MTCL2: variants seen among roughly 807,000 people sequenced by gnomAD.
MTCL2 encodes the protein microtubule crosslinking factor 2.
At chr20:36,839,929 T>C in the MTCL2 span, among the ~76,000 whole-genome samples, 1 of 152,086 alleles carries the variant, frequency 6.6e-6, no homozygotes, top group Non-Finnish European at 1.5e-5. This position sits in a 1 kb window ranked among gnomAD's most constrained non-coding sequence, Gnocchi z 5.1. Flanking sequence ...TGGCACAATC[T>C]CAGCTCACTG....
At chr20:36,786,252 C>T in the MTCL2 span, 34 of 1,219,388 alleles carry the variant, frequency 2.8e-5, no homozygotes, top group Non-Finnish European at 2.5e-5. Flanking sequence ...TTTGGTCTCT[C>T]TCCCACTCAC....
At chr20:36,790,090 C>A in the MTCL2 span, among the ~76,000 whole-genome samples, 1 of 150,070 alleles carries the variant, frequency 6.7e-6, no homozygotes, top group Non-Finnish European at 1.5e-5. Context: ...CTCCCGGGTT[C>A]ATGCCATTCT....
the MTCL2 span, among the ~76,000 whole-genome samples, chr20:36,810,706 TTCTCTCTCTCCCTCTC>T: frequency 4.9e-5 from 3 of 60,998 alleles, no homozygotes; most frequent in African/African-American, 1.7e-4. Context: ...CCTCCCCTCC[TTCTCTCTCTCCCTCTC>T]TCTCTCTCTC....
the MTCL2 span, chr20:36,782,643 C>T: frequency 1.3e-5 from 2 of 152,390 alleles, no homozygotes; most frequent in Non-Finnish European, 2.9e-5. Flanking sequence ...AAGCGATTCT[C>T]CCACCTCAGC....
At chr20:36,797,002 A>G in the MTCL2 span, 2 of 1,555,990 alleles carry the variant, frequency 1.3e-6, no homozygotes, top group South Asian at 1.1e-5. Flanking sequence ...CCAGAGCACT[A>G]AGGGCATGGA....
the MTCL2 span, chr20:36,783,900 C>T: frequency 7.1e-6 from 7 of 985,428 alleles, no homozygotes; most frequent in African/African-American, 1.0e-4. Context: ...ACATTTTCAA[C>T]CCCATCCAGC....
At chr20:36,808,906 G>T in the MTCL2 span, among the ~76,000 whole-genome samples, 3 of 152,336 alleles carry the variant, frequency 2.0e-5, no homozygotes, top group South Asian at 6.2e-4. Context: ...GATGAGCACT[G>T]CCCTCTGCTC....
chr20:36,832,977 G>T, the MTCL2 span, among the ~76,000 whole-genome samples: 2 of 152,192 alleles, frequency 1.3e-5, no homozygotes, highest in African/African-American at 2.4e-5. Flanking sequence ...GTGATTTACA[G>T]AATCAGCTGG....
chr20:36,786,524 G>C, the MTCL2 span: 1 of 1,550,390 alleles, frequency 6.4e-7, no homozygotes, highest in Non-Finnish European at 8.7e-7. Flanking sequence ...CCCCACCCCA[G>C]CTGGACTCTG....
the MTCL2 span, chr20:36,779,838 C>T: frequency 0.03 from 4,494 of 152,114 alleles, 88 homozygotes; most frequent in South Asian, 0.081. Context: ...GGGCTGAATA[C>T]TATAGTGAGC....
the MTCL2 span, chr20:36,862,874 C>A: frequency 8.6e-4 from 1,066 of 1,240,090 alleles, 19 homozygotes; most frequent in East Asian, 0.033. Flanking sequence ...GGGCCGGCTG[C>A]CCCGTACGGA....
chr20:36,840,822 G>GGCCA, the MTCL2 span, among the ~76,000 whole-genome samples: 1 of 151,242 alleles, frequency 6.6e-6, no homozygotes, highest in Non-Finnish European at 1.5e-5. Flanking sequence ...CCCCAGCCTG[G>GGCCA]GCGACAGAGC....
the MTCL2 span, among the ~76,000 whole-genome samples, chr20:36,796,149 GA>G: frequency 2.0e-5 from 3 of 152,236 alleles, no homozygotes; most frequent in African/African-American, 7.2e-5. Context: ...AAGACGCCAT[GA>G]AGCTCCTGGC....
At chr20:36,856,497 C>T in the MTCL2 span, among the ~76,000 whole-genome samples, 16 of 152,258 alleles carry the variant, frequency 1.1e-4, no homozygotes, top group Non-Finnish European at 4.4e-5. Flanking sequence ...GAGTTGCCCC[C>T]GGGCAGTGTT....
the MTCL2 span, among the ~76,000 whole-genome samples, chr20:36,795,071 T>C: frequency 6.6e-6 from 1 of 152,142 alleles, no homozygotes; most frequent in African/African-American, 2.4e-5. Flanking sequence ...CCGGAGCAGA[T>C]GAAATTACAG....
the MTCL2 span, among the ~76,000 whole-genome samples, chr20:36,850,533 A>G: frequency 6.6e-6 from 1 of 151,904 alleles, no homozygotes; most frequent in Non-Finnish European, 1.5e-5. Context: ...TTGACCAAAA[A>G]AAAAAGAAAA....
At chr20:36,783,730 TACCAAG>T in the MTCL2 span, 5 of 982,784 alleles carry the variant, frequency 5.1e-6, no homozygotes, top group South Asian at 2.4e-4. Flanking sequence ...TTGGGAATGT[TACCAAG>T]ACTTAAAAGG....
chr20:36,793,821 A>C, the MTCL2 span: 1 of 1,542,848 alleles, frequency 6.5e-7, no homozygotes, highest in African/African-American at 1.4e-5. The surrounding 1 kb of genome is among the most constrained non-coding windows in gnomAD (Gnocchi z 6.8). Flanking sequence ...TCCAGGGAGG[A>C]GGAGATCTGC....
the MTCL2 span, chr20:36,815,602 G>T: frequency 1.3e-6 from 2 of 1,591,998 alleles, no homozygotes; most frequent in African/African-American, 1.3e-5. This position sits in a 1 kb window ranked among gnomAD's most constrained non-coding sequence, Gnocchi z 5.3. Flanking sequence ...TCCAGCATGG[G>T]CCGCGTACTC....
Sources: gnomAD v4.1 joint callset for allele counts (sites outside exome capture counted in the v4.1 genomes callset) on GRCh38, gnomAD v4.1.1 for gene constraint, Gnocchi (gnomAD v3.1) non-coding constraint, MANE v1.5 for transcripts, NCBI Gene and HGNC (gene_info 2026-07-23, HGNC 2026-07-21) for gene names.